Variants in RBFOX3 observed in about 807,000 individuals in gnomAD.
The protein encoded by RBFOX3 is RNA binding protein fox-1 homolog 3.
RBFOX3 carries 17 observed loss-of-function variants against 48.7 expected under a neutral mutation model. The ratio of observed to expected loss-of-function variants is 0.35; its 90% confidence interval spans 0.24 to 0.52. The LOEUF (loss-of-function observed/expected upper bound fraction) is 0.52. RBFOX3 is among the 20% of genes least tolerant of loss of function. The probability of loss-of-function intolerance (pLI) is 0.94; values close to 1 mark genes in which losing one functional copy is unlikely to be tolerated. For synonymous variants in RBFOX3, 212 were observed against 209.5 expected (o/e 1.01, Z -0.10); for missense variants, 382 against 497.5 (o/e 0.77, Z 2.21).
chr17:79,487,238 A>G (rs1004548266), intron 1 of RBFOX3, among the ~76,000 whole-genome samples: 1 of 152,132 alleles, frequency 6.6e-6, no homozygotes, highest in Non-Finnish European at 1.5e-5. Context: ...GGTGAGATGC[A>G]CTGGCCAGGC....
rs956696198 is a variant in RBFOX3, at chr17:79,362,584, G to A, written c.-174-54760C>T. Among the ~76,000 whole-genome samples the A allele has an allele frequency of 3.9e-5, 6 of 152,224 alleles. No individual in the cohort carries two copies. The highest frequency in any genetic ancestry group is 1.4e-4 in the African/African-American group (6 of 41,470). On this transcript the variant is annotated intron_variant, in intron 2 of 14. Coordinates refer to ENST00000693108, the MANE Select transcript of RBFOX3 (RefSeq NM_001350451.2). The surrounding 1 kb of genome is among the most constrained non-coding windows in gnomAD (Gnocchi z 4.2). ...ATGGGAGCCTTTATGTCCCGCGTGT[G>A]AGGGGCCCAGAGGCCTCTTTGCAAA...
chr17:79,465,399 G>A (rs2076175366), intron 2 of RBFOX3, among the ~76,000 whole-genome samples: 1 of 152,114 alleles, frequency 6.6e-6, no homozygotes, highest in South Asian at 2.1e-4. Flanking sequence ...TACACACCAC[G>A]GAGGACTGGA....
Position 79,220,445 on chromosome 17 carries a change from T to C in RBFOX3, c.-34+15321A>G, listed in dbSNP as rs1184053464. On this transcript the variant is annotated intron_variant, in intron 4 of 14. Coordinates refer to ENST00000693108, the MANE Select transcript of RBFOX3 (RefSeq NM_001350451.2). This position sits in a 1 kb window ranked among gnomAD's most constrained non-coding sequence, Gnocchi z 5.9. The stretch of plus-strand genomic sequence containing the variant: ...CTGCCTCTCGCTTTATTTCCCCAGG[T>C]TGCTCAGCTCCGTGCCTGCTCTCCG... Among the ~76,000 whole-genome samples the C allele has an allele frequency of 6.6e-6, 1 of 152,164 alleles. No homozygotes were observed. Among genetic ancestry groups the C allele is most frequent in the Non-Finnish European group, 1.5e-5 (1 of 68,024 alleles).
chr17:79,425,290 G>A (rs1555724891), intron 2 of RBFOX3, among the ~76,000 whole-genome samples: 1 of 152,164 alleles, frequency 6.6e-6, no homozygotes, highest in Non-Finnish European at 1.5e-5. Context: ...CTCCCTCTGA[G>A]TGCCCTGAGC....
chr17:79,342,452 A>G (rs1240388769), intron 2 of RBFOX3, among the ~76,000 whole-genome samples: 2 of 152,164 alleles, frequency 1.3e-5, no homozygotes, highest in African/African-American at 4.8e-5. Flanking sequence ...GAGAAAGGCA[A>G]TATGTTAAGC....
intron 3 of RBFOX3, among the ~76,000 whole-genome samples, chr17:79,245,917 C>A (rs746000859): frequency 3.3e-5 from 5 of 152,080 alleles, no homozygotes; most frequent in Admixed American, 6.5e-5. Flanking sequence ...TGAGCCACCA[C>A]GCCCAGCAGA....
At chr17:79,283,898 TGCCTTCTCC>T (rs1320683977) in intron 3 of RBFOX3, among the ~76,000 whole-genome samples, 7,954 of 151,062 alleles carry the variant, frequency 0.053, 758 homozygotes, top group Middle Eastern at 0.11. Flanking sequence ...TAAATGGAGA[TGCCTTCTCC>T]AGGACCATCG....
intron 3 of RBFOX3, among the ~76,000 whole-genome samples, chr17:79,305,170 C>T (rs2075923545): frequency 6.6e-6 from 1 of 152,070 alleles, no homozygotes; most frequent in Admixed American, 6.5e-5. Context: ...TGGCTCAGTT[C>T]CTGAAGATCA....
In RBFOX3 at chr17:79,097,314, G is replaced by A. The variant is rs1204664048; in HGVS notation, c.733C>T (p.Pro245Ser). 7.1e-6 allele frequency: 11 copies of A among 1,544,970 alleles called. No individual in the cohort carries two copies. Among genetic ancestry groups the A allele is most frequent in the East Asian group, 2.5e-5 (1 of 40,622 alleles). The change falls in exon 11 of 15, where the codon CCC becomes TCC. Residue 245 changes from proline (P) to serine (S), a missense_variant. Transcript: ENST00000693108. ...CACGCTCCGTAAGTCGGGATGGGGG[G>A]TGGGGGTGGCGCAGCCCGAAATGTA... The part of the protein sequence containing the change: ...YNTFRAAPPP[P>S]PIPTYGAALE...
At chr17:79,373,327 G>A (rs2058803220) in intron 2 of RBFOX3, among the ~76,000 whole-genome samples, 1 of 152,120 alleles carries the variant, frequency 6.6e-6, no homozygotes, top group South Asian at 2.1e-4. Context: ...TGGAGAAAAT[G>A]AAGCTCAGAG....
intron 3 of RBFOX3, among the ~76,000 whole-genome samples, chr17:79,304,006 G>C (rs2075736793): frequency 2.0e-5 from 3 of 152,168 alleles, no homozygotes; most frequent in Admixed American, 2.0e-4. Context: ...ACCCATTATA[G>C]GAAGTTAATG....
intron 3 of RBFOX3, among the ~76,000 whole-genome samples, chr17:79,294,222 A>G (rs2073937409): frequency 6.6e-6 from 1 of 152,222 alleles, no homozygotes; most frequent in Non-Finnish European, 1.5e-5. Context: ...AGAATCCTGG[A>G]CTGGAGAGCA....
intron 3 of RBFOX3, among the ~76,000 whole-genome samples, chr17:79,306,375 G>T (rs1277037348): frequency 6.6e-6 from 1 of 152,260 alleles, no homozygotes; most frequent in Non-Finnish European, 1.5e-5. Context: ...GCCATGGCCC[G>T]CACGCGTGTG....
chr17:79,618,674 G>A, the RBFOX3 span, among the ~76,000 whole-genome samples: 1 of 152,184 alleles, frequency 6.6e-6, no homozygotes, highest in Non-Finnish European at 1.5e-5. Flanking sequence ...GAGAAGAGAC[G>A]GGGGTGTCCA....
At chr17:79,454,861 T>G (rs1292883829) in intron 2 of RBFOX3, among the ~76,000 whole-genome samples, 1 of 152,120 alleles carries the variant, frequency 6.6e-6, no homozygotes, top group East Asian at 1.9e-4. Context: ...CCCACTCCCA[T>G]TGTAGCTCCT....
At chr17:79,472,441 G>A (rs961215209) in intron 2 of RBFOX3, among the ~76,000 whole-genome samples, 2 of 152,134 alleles carry the variant, frequency 1.3e-5, no homozygotes, top group African/African-American at 4.8e-5. Context: ...CCCTTACCAG[G>A]CCATATGGGT....
At chr17:79,568,977 C>T (rs1410216492) in intron 1 of RBFOX3, among the ~76,000 whole-genome samples, 1 of 152,008 alleles carries the variant, frequency 6.6e-6, no homozygotes, top group African/African-American at 2.4e-5. Flanking sequence ...AGGTATCTGC[C>T]TTCTCCTCAA....
chr17:79,524,212 A>G (rs1237266422), intron 1 of RBFOX3, among the ~76,000 whole-genome samples: 1 of 152,210 alleles, frequency 6.6e-6, no homozygotes, highest in Non-Finnish European at 1.5e-5. Flanking sequence ...AGTTTGGCAA[A>G]AGGGTACTGC....
At chr17:79,533,116 A>G (rs1330916953) in intron 1 of RBFOX3, among the ~76,000 whole-genome samples, 1 of 152,224 alleles carries the variant, frequency 6.6e-6, no homozygotes, top group Non-Finnish European at 1.5e-5. Flanking sequence ...CCCATTTTCT[A>G]GATGAAGGAG....
Sources: gnomAD v4.1 joint callset for allele counts (sites outside exome capture counted in the v4.1 genomes callset) on GRCh38, gnomAD v4.1.1 for gene constraint, Gnocchi (gnomAD v3.1) non-coding constraint, MANE v1.5 for transcripts, NCBI Gene and HGNC (gene_info 2026-07-23, HGNC 2026-07-21) for gene names.